The following OCA2 variants were observed in gnomAD, a reference collection of about 807,000 sequenced individuals.
OCA2 encodes P protein.
A neutral mutation model predicts 100.2 loss-of-function variants in OCA2; 77 were observed. The ratio of observed to expected loss-of-function variants is 0.77; its 90% CI spans 0.64 to 0.93. OCA2 has a LOEUF of 0.93. OCA2 is among the 40% of genes least tolerant of loss of function. OCA2 has a pLI of 0.00. For missense variants in OCA2, 1,062 were observed against 1,089.1 expected (o/e 0.98, Z 0.35); for synonymous variants, 432 against 439.2 (o/e 0.98, Z 0.21).
chr15:28,013,328 A>G (rs549302695), intron 9 of OCA2, among the ~76,000 whole-genome samples: 1 of 152,304 alleles, frequency 6.6e-6, no homozygotes, highest in Admixed American at 6.5e-5. Flanking sequence ...GTGGCGCAGT[A>G]AAGATTTCAC....
the OCA2 span, among the ~76,000 whole-genome samples, chr15:27,719,080 T>A: frequency 6.6e-6 from 1 of 152,244 alleles, no homozygotes. Flanking sequence ...TCACAGCATG[T>A]TGGGATTTAA....
chr15:27,852,738 C>T (rs1292220086), intron 21 of OCA2, among the ~76,000 whole-genome samples: 8 of 149,282 alleles, frequency 5.4e-5, no homozygotes, highest in African/African-American at 1.7e-4. Flanking sequence ...AAAAAACAAA[C>T]AACCCCATCA....
intron 23 of OCA2, among the ~76,000 whole-genome samples, chr15:27,828,663 CTG>C (rs2034827471): frequency 6.6e-6 from 1 of 152,136 alleles, no homozygotes; most frequent in African/African-American, 2.4e-5. Flanking sequence ...CTCCGAAAAT[CTG>C]TATTATGAAA....
intron 18 of OCA2, among the ~76,000 whole-genome samples, chr15:27,949,689 A>G (rs1253324272): frequency 1.3e-5 from 2 of 152,198 alleles, no homozygotes; most frequent in Middle Eastern, 3.2e-3. Flanking sequence ...ACACTGTTAC[A>G]TTTAAAAAAA....
At chr15:27,748,421 A>G in the OCA2 span, among the ~76,000 whole-genome samples, 1 of 152,134 alleles carries the variant, frequency 6.6e-6, no homozygotes, top group African/African-American at 2.4e-5. Flanking sequence ...ATCAGCAGGG[A>G]GCAGTGGAAG....
At position 27,926,112 on chromosome 15, in the gene OCA2, G is replaced by C. The variant is rs1414290886; in HGVS notation, c.2079+15C>G. 1.2e-6 allele frequency: 2 copies of C among 1,613,826 alleles called. No homozygotes were observed. Among genetic ancestry groups the C allele is most frequent in the Non-Finnish European group, 1.7e-6 (2 of 1,179,914 alleles). The stretch of plus-strand genomic sequence containing the variant: ...TCAGGTAAAATGCCATATGGCAAAA[G>C]TTCTAAAATCTTACCTCCATCAGAA... On this transcript the variant is annotated intron_variant, in intron 19 of 23. Transcript: ENST00000354638.
chr15:27,856,546 G>A (rs1368209943), intron 21 of OCA2, among the ~76,000 whole-genome samples: 1 of 152,140 alleles, frequency 6.6e-6, no homozygotes, highest in Non-Finnish European at 1.5e-5. Context: ...TCCAAAAACT[G>A]AGGTTATGTA....
At chr15:27,934,434 T>C (rs2039376894) in intron 18 of OCA2, among the ~76,000 whole-genome samples, 1 of 152,238 alleles carries the variant, frequency 6.6e-6, no homozygotes, top group Non-Finnish European at 1.5e-5. Context: ...TCATCACATC[T>C]GATGGTGATT....
At chr15:27,802,058 T>G (rs1242453490) in intron 23 of OCA2, among the ~76,000 whole-genome samples, 1 of 152,180 alleles carries the variant, frequency 6.6e-6, no homozygotes, top group Non-Finnish European at 1.5e-5. Context: ...ATAGTAAATT[T>G]GATGTAATCT....
At chr15:27,845,181 C>A in intron 22 of OCA2, 129 bp from the exon 23 acceptor site, 1 of 758,832 alleles carries the variant, frequency 1.3e-6, no homozygotes, top group Non-Finnish European at 2.3e-6. Context: ...AAAGTGACCG[C>A]TTTGTAAATA....
At chr15:27,741,890 C>T in the OCA2 span, among the ~76,000 whole-genome samples, 28 of 152,140 alleles carry the variant, frequency 1.8e-4, no homozygotes, top group African/African-American at 7.2e-5. Context: ...TATTGTTACA[C>T]GATTAACATT....
Position 28,081,630 on chromosome 15 carries a change from G to C in OCA2, c.227+18C>G. The C allele has an allele frequency of 6.2e-7, 1 of 1,603,208 alleles. No individual in the cohort carries two copies. The highest frequency in any genetic ancestry group is 8.5e-7 in the Non-Finnish European group (1 of 1,171,386). ...GTGTGAAGTCCACATTTACAAGATG[G>C]CACTATTTTAAACTCACCTCCCTTT... On this transcript the variant is annotated intron_variant, in intron 2 of 23. Coordinates refer to ENST00000354638, the MANE Select transcript of OCA2 (RefSeq NM_000275.3).
intron 16 of OCA2, among the ~76,000 whole-genome samples, chr15:27,956,744 G>A (rs1053730010): frequency 6.6e-6 from 1 of 152,238 alleles, no homozygotes; most frequent in African/African-American, 2.4e-5. Context: ...CCGGACCGGG[G>A]ATGAAGCCAA....
intron 16 of OCA2, among the ~76,000 whole-genome samples, chr15:27,955,727 G>A (rs1162437587): frequency 2.6e-5 from 4 of 152,204 alleles, no homozygotes; most frequent in South Asian, 2.1e-4. Flanking sequence ...TTGGGGGGCC[G>A]AGGGGGAAGG....
At chr15:27,892,860 C>A (rs1367140971) in intron 19 of OCA2, among the ~76,000 whole-genome samples, 1 of 152,064 alleles carries the variant, frequency 6.6e-6, no homozygotes, top group Non-Finnish European at 1.5e-5. Flanking sequence ...TCACCAATAT[C>A]AGGAATGAAA....
chr15:27,956,872 C>T (rs2140691322), intron 16 of OCA2, among the ~76,000 whole-genome samples: 1 of 152,364 alleles, frequency 6.6e-6, no homozygotes, highest in Admixed American at 6.5e-5. Context: ...CCTCAGTGCA[C>T]AGCGAATGGC....
chr15:27,877,403 T>C (rs1244368773), intron 19 of OCA2, among the ~76,000 whole-genome samples: 4 of 151,952 alleles, frequency 2.6e-5, no homozygotes, highest in Non-Finnish European at 4.4e-5. Flanking sequence ...GTCTAGGTGT[T>C]CTATCAATTT....
At chr15:27,997,498 C>T (rs1183881973) in intron 9 of OCA2, among the ~76,000 whole-genome samples, 31 of 151,706 alleles carry the variant, frequency 2.0e-4, no homozygotes, top group South Asian at 1.7e-3. Context: ...AGATATGCGG[C>T]GTTATTTCTG....
At chr15:28,097,980 G>C (rs1004046594) in intron 1 of OCA2, among the ~76,000 whole-genome samples, 3 of 152,194 alleles carry the variant, frequency 2.0e-5, no homozygotes, top group African/African-American at 7.2e-5. Context: ...CGGGGACCCA[G>C]GTGACACAGG....
Sources: allele counts gnomAD v4.1 joint callset (sites outside exome capture counted in the v4.1 genomes callset), GRCh38; gene constraint gnomAD v4.1.1; transcripts MANE v1.5; gene names NCBI Gene and HGNC (gene_info 2026-07-23, HGNC 2026-07-21).